Variants in NTNG1 observed in about 807,000 individuals in gnomAD.
The protein encoded by NTNG1 is netrin G1, also known as netrin-G1.
In NTNG1, 16 loss-of-function variants were observed where a neutral mutation model predicts 54.0. The observed-to-expected ratio is 0.30, with a 90% CI of 0.20 to 0.45. NTNG1 has a LOEUF of 0.45. Ranked by LOEUF, NTNG1 falls within the 20% of genes least tolerant of loss-of-function variation. The pLI, the probability that NTNG1 is intolerant of heterozygous loss-of-function variation, is 1.00. For synonymous variants in NTNG1, 255 were observed against 263.1 expected, an observed-to-expected ratio of 0.97 and a Z score of 0.30; for missense variants, 530 against 678.7, an observed-to-expected ratio of 0.78 and a Z score of 2.43.
chr1:107,368,585 G>A (rs1204103115), intron 3 of NTNG1, among the ~76,000 whole-genome samples: 1 of 152,174 alleles, frequency 6.6e-6, no homozygotes, highest in Admixed American at 6.5e-5. Flanking sequence ...CTAACAGTGA[G>A]CACTCACTGA....
At chr1:107,436,633 T>C (rs1675613118) in intron 6 of NTNG1, 32 bp from the exon 7 acceptor site, 1 of 1,606,448 alleles carries the variant, frequency 6.2e-7, no homozygotes, top group East Asian at 2.2e-5. Flanking sequence ...TGCAGACTTG[T>C]CTCCAGCCTG....
intron 7 of NTNG1, among the ~76,000 whole-genome samples, chr1:107,442,756 TTGCAGACAGTGA>T (rs1222242392): frequency 6.6e-6 from 1 of 152,096 alleles, no homozygotes; most frequent in East Asian, 1.9e-4. Context: ...CATTCTAGCA[TTGCAGACAGTGA>T]TGTAAGAGAG....
intron 2 of NTNG1, among the ~76,000 whole-genome samples, chr1:107,177,255 T>TA (rs1656710788): frequency 6.6e-6 from 1 of 152,148 alleles, no homozygotes; most frequent in Admixed American, 6.5e-5. Context: ...ATGCTCATGT[T>TA]AACAAATGAG....
At chr1:107,446,899 A>T (rs1057435778) in intron 7 of NTNG1, among the ~76,000 whole-genome samples, 2 of 152,230 alleles carry the variant, frequency 1.3e-5, no homozygotes, top group South Asian at 2.1e-4. Flanking sequence ...ATGGAAATTT[A>T]GACTTACGCA....
At chr1:107,182,707 T>C (rs1485625881) in intron 2 of NTNG1, among the ~76,000 whole-genome samples, 2 of 152,122 alleles carry the variant, frequency 1.3e-5, no homozygotes, top group Non-Finnish European at 2.9e-5. Flanking sequence ...AGACCCGATC[T>C]ACAATCACAC....
chr1:107,212,050 A>C (rs984118779), intron 2 of NTNG1, among the ~76,000 whole-genome samples: 1 of 152,126 alleles, frequency 6.6e-6, no homozygotes, highest in Non-Finnish European at 1.5e-5. Context: ...AAAACATTTA[A>C]TACTCATAAA....
intron 3 of NTNG1, among the ~76,000 whole-genome samples, chr1:107,352,943 C>T (rs1401325794): frequency 6.6e-6 from 1 of 152,176 alleles, no homozygotes; most frequent in African/African-American, 2.4e-5. Flanking sequence ...GAACAGTGGG[C>T]CAAGGCTGTG....
chr1:107,419,625 A>C (rs1004994022), intron 5 of NTNG1, among the ~76,000 whole-genome samples: 1 of 83,192 alleles, frequency 1.2e-5, no homozygotes, highest in Non-Finnish European at 3.1e-5. Flanking sequence ...TCCTTCTTCA[A>C]AAAAAAAAAA....
chr1:107,144,178 T>G (rs1244192994), intron 1 of NTNG1, among the ~76,000 whole-genome samples: 3 of 152,166 alleles, frequency 2.0e-5, no homozygotes, highest in Admixed American at 1.3e-4. Context: ...GTAATAAATT[T>G]CATTATGACT....
At chr1:107,430,534 C>T in intron 5 of NTNG1, 2 of 672,944 alleles carry the variant, frequency 3.0e-6, no homozygotes, top group East Asian at 2.7e-5. Context: ...AATCTTCAGT[C>T]TTGTTCCGAA....
chr1:107,208,942 CGTT>C (rs1184223308), intron 2 of NTNG1, among the ~76,000 whole-genome samples: 1 of 152,086 alleles, frequency 6.6e-6, no homozygotes, highest in Admixed American at 6.5e-5. Context: ...TTACTTGTCT[CGTT>C]GGTAAATACA....
chr1:107,349,082 G>C (rs1669436745), intron 3 of NTNG1, among the ~76,000 whole-genome samples: 1 of 152,094 alleles, frequency 6.6e-6, no homozygotes, highest in African/African-American at 2.4e-5. Flanking sequence ...CTCAGCTCTA[G>C]CCACAGAGCC....
At chr1:107,462,179 C>G (rs976863809) in intron 7 of NTNG1, among the ~76,000 whole-genome samples, 1 of 152,132 alleles carries the variant, frequency 6.6e-6, no homozygotes, top group African/African-American at 2.4e-5. Context: ...ACATGGATGC[C>G]TTGTAATAAT....
At chr1:107,480,565 C>A (rs748362407) in intron 7 of NTNG1, 46 bp from the exon 8 acceptor site, 1 of 650,354 alleles carries the variant, frequency 1.5e-6, no homozygotes, top group South Asian at 1.8e-5. Flanking sequence ...GATTCTGCTT[C>A]TCCTCCCCGC....
intron 7 of NTNG1, among the ~76,000 whole-genome samples, chr1:107,442,355 CA>C (rs1247210490): frequency 6.6e-6 from 1 of 152,048 alleles, no homozygotes; most frequent in Non-Finnish European, 1.5e-5. Context: ...TATGCACATA[CA>C]CATACAATCA....
chr1:107,418,904 T>C (rs1674394079), intron 5 of NTNG1, among the ~76,000 whole-genome samples: 1 of 151,968 alleles, frequency 6.6e-6, no homozygotes, highest in Non-Finnish European at 1.5e-5. Context: ...AGGAGAAGCC[T>C]AGACTTCTGT....
chr1:107,427,684 A>C (rs546631567), intron 5 of NTNG1, among the ~76,000 whole-genome samples: 2 of 152,076 alleles, frequency 1.3e-5, no homozygotes, highest in African/African-American at 4.8e-5. Flanking sequence ...AGAAGTCTTA[A>C]AAGAATCAAG....
chr1:107,422,086 G>A (rs188586737), intron 5 of NTNG1, among the ~76,000 whole-genome samples: 234 of 152,198 alleles, frequency 1.5e-3, no homozygotes, highest in African/African-American at 5.2e-3. Flanking sequence ...CAGGAAATGG[G>A]AAAAGGGAAA....
chr1:107,389,477 G>A (rs1029471032), intron 3 of NTNG1, among the ~76,000 whole-genome samples: 1 of 152,198 alleles, frequency 6.6e-6, no homozygotes, highest in Non-Finnish European at 1.5e-5. Flanking sequence ...CTGGCAGGTG[G>A]CACAGAACTA....
Sources: gnomAD v4.1 joint callset for allele counts (sites outside exome capture counted in the v4.1 genomes callset) on GRCh38, gnomAD v4.1.1 for gene constraint, MANE v1.5 for transcripts, NCBI Gene and HGNC (gene_info 2026-07-23, HGNC 2026-07-21) for gene names.